The following PTPRT variants were observed in gnomAD, a reference collection of about 807,000 sequenced individuals.
PTPRT encodes the protein protein tyrosine phosphatase receptor type T, also known as receptor-type tyrosine-protein phosphatase T.
Under a neutral mutation model 176.8 loss-of-function variants are expected in PTPRT, and 56 were observed. The observed-to-expected ratio is 0.32, with a 90% CI of 0.26 to 0.40. The LOEUF is 0.40. Among genes scored for constraint, PTPRT ranks in the 10% least tolerant of loss-of-function variants. The pLI, the probability that PTPRT is intolerant of heterozygous loss-of-function variation, is 1.00. For missense variants in PTPRT, 1,540 were observed against 1,908.2 expected (o/e 0.81, Z 3.60); for synonymous variants, 783 against 739.0 (o/e 1.06, Z -0.96).
intron 7 of PTPRT, among the ~76,000 whole-genome samples, chr20:42,542,498 G>T (rs2072601539): frequency 6.6e-6 from 1 of 152,086 alleles, no homozygotes; most frequent in African/African-American, 2.4e-5. Context: ...ATTTTAGACA[G>T]GACAAGTTAA....
intron 1 of PTPRT, among the ~76,000 whole-genome samples, chr20:43,046,967 A>G (rs960609612): frequency 1.3e-4 from 20 of 152,226 alleles, no homozygotes; most frequent in African/African-American, 4.8e-4. Flanking sequence ...GGCGGCCAGG[A>G]ATAATTCTTC....
intron 9 of PTPRT, among the ~76,000 whole-genome samples, chr20:42,367,206 A>C (rs1568817040): frequency 1.3e-5 from 2 of 152,208 alleles, no homozygotes; most frequent in South Asian, 2.1e-4. Flanking sequence ...ACCTTCAATA[A>C]TATTCGATTC....
At chr20:42,100,945 C>T (rs185276858) in intron 26 of PTPRT, among the ~76,000 whole-genome samples, 2 of 152,306 alleles carry the variant, frequency 1.3e-5, no homozygotes, top group East Asian at 1.9e-4. Context: ...TAGGCATTGA[C>T]CTTCCATCAT....
intron 7 of PTPRT, among the ~76,000 whole-genome samples, chr20:42,484,970 C>T (rs1272056225): frequency 6.6e-6 from 1 of 152,186 alleles, no homozygotes; most frequent in Non-Finnish European, 1.5e-5. Context: ...AGATGCAGTC[C>T]CCTGGACTGT....
intron 6 of PTPRT, among the ~76,000 whole-genome samples, chr20:42,744,434 G>A (rs369511678): frequency 3.3e-5 from 5 of 152,156 alleles, no homozygotes; most frequent in East Asian, 3.9e-4. Flanking sequence ...CTTTCAGATC[G>A]TACAGAATTT....
rs1770237129 is a variant in PTPRT, at chr20:42,236,240, G to A, written c.2331C>T (p.Tyr777=). 4 of 1,603,368 alleles carry A rather than the reference G, an allele frequency of 2.5e-6. No homozygotes were observed. Among genetic ancestry groups the A allele is most frequent in the South Asian group, 2.2e-5 (2 of 90,554 alleles). Residue 777 remains tyrosine (Y), a synonymous_variant, in exon 15 of 31, where the codon TAC becomes TAT. Coordinates refer to ENST00000373187, the MANE Select transcript of PTPRT (RefSeq NM_007050.6). ...AGCTCGATACTTACAAGTAATAGGAGTAGGAATAAGCATTTCTTCTATATA... is the reference window on the plus strand; with the variant it reads ...AGCTCGATACTTACAAGTAATAGGAATAGGAATAAGCATTTCTTCTATATA... The part of the protein sequence containing the change: ...TIKRRRNAYS[Y]SYYLKLAKKQ...
downstream of PTPRT, among the ~76,000 whole-genome samples, chr20:42,071,857 T>A (rs1328291388): frequency 6.6e-6 from 1 of 152,010 alleles, no homozygotes; most frequent in Non-Finnish European, 1.5e-5. Flanking sequence ...TAAGGTCTCA[T>A]TATGTTGCCC....
At chr20:42,295,581 G>A (rs986129842) in intron 12 of PTPRT, among the ~76,000 whole-genome samples, 1 of 152,014 alleles carries the variant, frequency 6.6e-6, no homozygotes, top group Non-Finnish European at 1.5e-5. Flanking sequence ...ATGAAAGTAG[G>A]ATATATAAAT....
intron 18 of PTPRT, among the ~76,000 whole-genome samples, chr20:42,136,423 A>G (rs77582487): frequency 0.012 from 1,820 of 152,218 alleles, 36 homozygotes; most frequent in African/African-American, 0.041. Context: ...AGGTCTGCAC[A>G]TTCAATCTTG....
intron 16 of PTPRT, among the ~76,000 whole-genome samples, chr20:42,185,166 G>C (rs1990726252): frequency 6.6e-6 from 1 of 152,188 alleles, no homozygotes. Context: ...TTAAACCCAT[G>C]TAACAGGTGC....
intron 1 of PTPRT, among the ~76,000 whole-genome samples, chr20:42,972,646 G>A (rs770828664): frequency 1.4e-4 from 19 of 138,734 alleles, no homozygotes; most frequent in Non-Finnish European, 2.7e-4. Context: ...CTCCAGCCTG[G>A]GCAACAGAAT....
chr20:42,172,944 G>T (rs1266972713), intron 16 of PTPRT, among the ~76,000 whole-genome samples: 2 of 152,114 alleles, frequency 1.3e-5, no homozygotes, highest in Non-Finnish European at 2.9e-5. Context: ...AACTCCGCTA[G>T]GGATCGACAA....
At chr20:42,700,662 C>T (rs2075961565) in intron 6 of PTPRT, among the ~76,000 whole-genome samples, 1 of 152,132 alleles carries the variant, frequency 6.6e-6, no homozygotes, top group African/African-American at 2.4e-5. Context: ...GATGTCAGAG[C>T]CCTGGGCTGG....
chr20:42,472,597 A>G, intron 7 of PTPRT, 35 bp from the exon 8 acceptor site: 1 of 1,597,542 alleles, frequency 6.3e-7, no homozygotes, highest in Non-Finnish European at 8.5e-7. Flanking sequence ...AAGGGTTCTG[A>G]AGAGACCATC....
Position 42,411,600 on chromosome 20 carries a change from AGAAAG to A in PTPRT, c.1560+36615_1560+36619del, listed in dbSNP as rs145994114. ...CTAGCCAGACTGATCGAGAAAGAAA[AGAAAG>A]AAGACACAAATCGTTAGCATCGAGA... On this transcript the variant is annotated intron_variant, in intron 9 of 30. Coordinates refer to ENST00000373187, the MANE Select transcript of PTPRT (RefSeq NM_007050.6). Among the ~76,000 whole-genome samples, 1,439 of 152,110 alleles carry A rather than the reference AGAAAG, an allele frequency of 9.5e-3. 61 individuals carry two copies. The East Asian group carries it at 0.15, about 16-fold the overall frequency.
intron 12 of PTPRT, among the ~76,000 whole-genome samples, chr20:42,294,669 G>C (rs553643916): frequency 6.6e-6 from 1 of 151,080 alleles, no homozygotes; most frequent in Non-Finnish European, 1.5e-5. Flanking sequence ...CACAAATGAT[G>C]AAAATCTACC....
At chr20:42,631,780 T>C (rs2074412339) in intron 7 of PTPRT, among the ~76,000 whole-genome samples, 1 of 152,186 alleles carries the variant, frequency 6.6e-6, no homozygotes. Context: ...AATGAATGAA[T>C]GAATGCAAGC....
chr20:42,254,753 A>G (rs1053649015), intron 13 of PTPRT, among the ~76,000 whole-genome samples: 1 of 152,062 alleles, frequency 6.6e-6, no homozygotes, highest in African/African-American at 2.4e-5. Context: ...TATGGTTCCA[A>G]AGTCCTGCAT....
chr20:43,162,325 C>T (rs1600761270), intron 1 of PTPRT, among the ~76,000 whole-genome samples: 1 of 152,200 alleles, frequency 6.6e-6, no homozygotes, highest in South Asian at 2.1e-4. Flanking sequence ...TCACTTAATG[C>T]TCAGAACAAC....
Sources: gnomAD v4.1 joint callset for allele counts (sites outside exome capture counted in the v4.1 genomes callset) on GRCh38, gnomAD v4.1.1 for gene constraint, MANE v1.5 for transcripts, NCBI Gene and HGNC (gene_info 2026-07-23, HGNC 2026-07-21) for gene names.